The following OSBPL10 variants were observed in gnomAD, a reference collection of about 807,000 sequenced individuals.
OSBPL10 encodes the protein oxysterol binding protein like 10.
OSBPL10 carries 49 observed loss-of-function variants against 81.7 expected under a neutral mutation model. The observed-to-expected ratio is 0.60, with a 90% CI of 0.48 to 0.76. The LOEUF is 0.76. Among genes scored for constraint, OSBPL10 ranks in the 30% least tolerant of loss-of-function variants. OSBPL10 has a pLI of 0.00. For synonymous variants in OSBPL10, 419 were observed against 383.6 expected, an observed-to-expected ratio of 1.09 and a Z score of -1.08; for missense variants, 923 against 987.8, an observed-to-expected ratio of 0.93 and a Z score of 0.88.
intron 3 of OSBPL10, among the ~76,000 whole-genome samples, chr3:31,870,031 G>A (rs1701279138): frequency 6.6e-6 from 1 of 152,250 alleles, no homozygotes; most frequent in African/African-American, 2.4e-5. Flanking sequence ...CACTTGAGGA[G>A]CCCTTCAGCC....
At chr3:31,922,195 T>C (rs992455111) in intron 1 of OSBPL10, among the ~76,000 whole-genome samples, 1 of 152,196 alleles carries the variant, frequency 6.6e-6, no homozygotes, top group Non-Finnish European at 1.5e-5. Flanking sequence ...AACTATACAC[T>C]TCAGTTAATA....
intron 3 of OSBPL10, among the ~76,000 whole-genome samples, chr3:31,853,632 C>T (rs1700828221): frequency 6.6e-6 from 1 of 152,232 alleles, no homozygotes; most frequent in African/African-American, 2.4e-5. Context: ...GCTCAATTAA[C>T]TCCCCAGGCA....
rs965627857 is a variant in OSBPL10 at position 31,880,734 on chromosome 3, T to C, written c.282-904A>G. Among the ~76,000 whole-genome samples, 5 of 152,368 alleles carry C rather than the reference T, an allele frequency of 3.3e-5. No individual in the cohort carries two copies. The East Asian group carries it at 9.6e-4, about 29-fold the overall frequency. ...GCCACAGGACCTTTGCACATGCTGT[T>C]CTTGCTGTCTGGAGCAGTTACTCAA... On this transcript the variant is annotated intron_variant, in intron 1 of 11. Coordinates refer to ENST00000396556, the MANE Select transcript of OSBPL10 (RefSeq NM_017784.5).
At chr3:31,968,035 TAATACA>T (rs1698451613) in intron 1 of OSBPL10, among the ~76,000 whole-genome samples, 2 of 152,236 alleles carry the variant, frequency 1.3e-5, no homozygotes, top group African/African-American at 4.8e-5. Context: ...GTTACACAAA[TAATACA>T]AATAAGTATT....
At chr3:31,828,241 T>G (rs1348160407) in intron 4 of OSBPL10, among the ~76,000 whole-genome samples, 1 of 152,230 alleles carries the variant, frequency 6.6e-6, no homozygotes, top group Non-Finnish European at 1.5e-5. Flanking sequence ...GTAATGGTAT[T>G]TATCTAACAG....
chr3:31,878,617 T>G (rs1453475461), intron 2 of OSBPL10, among the ~76,000 whole-genome samples: 1 of 152,194 alleles, frequency 6.6e-6, no homozygotes, highest in Non-Finnish European at 1.5e-5. Flanking sequence ...AGGTGAGGAA[T>G]GTAGTCCCTC....
chr3:31,723,248 C>T (rs920266938), intron 6 of OSBPL10, among the ~76,000 whole-genome samples: 1 of 152,124 alleles, frequency 6.6e-6, no homozygotes, highest in African/African-American at 2.4e-5. Context: ...CAGGAGCACA[C>T]TGTTATCTGA....
At chr3:31,736,633 A>T (rs984224846) in intron 5 of OSBPL10, among the ~76,000 whole-genome samples, 2 of 152,194 alleles carry the variant, frequency 1.3e-5, no homozygotes, top group Non-Finnish European at 2.9e-5. Context: ...CTATTTGAAA[A>T]TTCTTTGCTT....
intron 9 of OSBPL10, among the ~76,000 whole-genome samples, chr3:31,669,905 AG>A (rs1176740553): frequency 6.6e-6 from 1 of 152,254 alleles, no homozygotes; most frequent in African/African-American, 2.4e-5. Context: ...GCTCACAGGC[AG>A]GTATGAGGCA....
chr3:31,957,410 C>T (rs1698040260), intron 1 of OSBPL10, among the ~76,000 whole-genome samples: 1 of 152,166 alleles, frequency 6.6e-6, no homozygotes, highest in African/African-American at 2.4e-5. Flanking sequence ...GGCAAGGGAA[C>T]TGCACTGGCG....
intron 1 of OSBPL10, among the ~76,000 whole-genome samples, chr3:31,926,520 A>G (rs1236619146): frequency 6.6e-6 from 1 of 152,144 alleles, no homozygotes; most frequent in Non-Finnish European, 1.5e-5. Context: ...TGAGATTACT[A>G]TAAATTCTGG....
chr3:32,046,043 T>C (rs941150172), intron 2 of OSBPL10: 1 of 152,230 alleles, frequency 6.6e-6, no homozygotes, highest in African/African-American at 2.4e-5. Flanking sequence ...TCCTGTGGGT[T>C]CTTATTTCTT....
intron 3 of OSBPL10, among the ~76,000 whole-genome samples, chr3:31,846,504 TAA>T (rs1165795815): frequency 6.6e-6 from 1 of 151,974 alleles, no homozygotes; most frequent in Non-Finnish European, 1.5e-5. Context: ...TGGGCGCCTA[TAA>T]TCCCAGCTAC....
At position 31,879,329 on chromosome 3, in the gene OSBPL10, C is replaced by T. The variant is rs557676071; in HGVS notation, c.457+326G>A. On this transcript the variant is annotated intron_variant, in intron 2 of 11. Transcript: ENST00000396556. ...CCCTTATAGCACAGCCCTCACAGGGCACTGTAGTGAAGATTCATACTATTA... is the reference window on the plus strand; with the variant it reads ...CCCTTATAGCACAGCCCTCACAGGGTACTGTAGTGAAGATTCATACTATTA... The T allele has an allele frequency of 9.0e-4, 184 of 203,552 alleles. 1 individual carries two copies. Among genetic ancestry groups the T allele is most frequent in the Non-Finnish European group, 1.4e-3 (138 of 101,844 alleles). The allele number at this position is 203,552 out of a possible 1,614,324, so 12.6% of individuals were successfully genotyped here.
chr3:31,847,369 T>C (rs1700660416), intron 3 of OSBPL10, among the ~76,000 whole-genome samples: 1 of 152,048 alleles, frequency 6.6e-6, no homozygotes, highest in Non-Finnish European at 1.5e-5. Flanking sequence ...CTGATTTTTG[T>C]ACTTTGACGG....
chr3:31,854,804 C>T (rs1301822225), intron 3 of OSBPL10, among the ~76,000 whole-genome samples: 1 of 152,136 alleles, frequency 6.6e-6, no homozygotes, highest in Non-Finnish European at 1.5e-5. Flanking sequence ...AAACTTTTTC[C>T]TAATTTAAGG....
intron 1 of OSBPL10, among the ~76,000 whole-genome samples, chr3:31,918,334 T>C (rs75771749): frequency 0.044 from 6,592 of 148,552 alleles, 255 homozygotes; most frequent in East Asian, 0.19. Context: ...CTTTTCTTTT[T>C]TTTTTTTTTA....
intron 3 of OSBPL10, among the ~76,000 whole-genome samples, chr3:31,840,315 A>G (rs1700460313): frequency 6.6e-6 from 1 of 152,224 alleles, no homozygotes; most frequent in South Asian, 2.1e-4. Context: ...CTTAAAATCA[A>G]TAACTAATCT....
At chr3:31,693,437 T>A (rs1695616422) in intron 7 of OSBPL10, among the ~76,000 whole-genome samples, 1 of 152,206 alleles carries the variant, frequency 6.6e-6, no homozygotes, top group Non-Finnish European at 1.5e-5. Context: ...AACCACAGAC[T>A]ATTTGTTGGG....
Sources: gnomAD v4.1 joint callset for allele counts (sites outside exome capture counted in the v4.1 genomes callset) on GRCh38, gnomAD v4.1.1 for gene constraint, MANE v1.5 for transcripts, NCBI Gene and HGNC (gene_info 2026-07-23, HGNC 2026-07-21) for gene names.